SPART: variants seen among roughly 807,000 people sequenced by gnomAD.
The protein encoded by SPART is spartin.
Under a neutral mutation model 58.7 loss-of-function variants are expected in SPART, and 35 were observed. The observed-to-expected ratio is 0.60, with a 90% CI of 0.46 to 0.79. The LOEUF (loss-of-function observed/expected upper bound fraction) is 0.79, where lower values mean the gene tolerates loss of function less well. SPART is among the 30% of genes least tolerant of loss of function. The probability of loss-of-function intolerance (pLI) is 0.00; values close to 1 mark genes in which losing one functional copy is unlikely to be tolerated. For missense variants in SPART, 730 were observed against 786.1 expected (o/e 0.93, Z 0.85); for synonymous variants, 284 against 280.7 (o/e 1.01, Z -0.12).
upstream of SPART, among the ~76,000 whole-genome samples, chr13:36,350,791 G>A (rs1411650602): frequency 6.6e-6 from 1 of 152,210 alleles, no homozygotes; most frequent in Non-Finnish European, 1.5e-5. Flanking sequence ...ATGCACCAGA[G>A]TAAGATTTAG....
chr13:36,360,277 G>GCAAGACTCCATCTC (rs1378643147), intron 1 of SPART, among the ~76,000 whole-genome samples: 1 of 5,252 alleles, frequency 1.9e-4, no homozygotes, highest in Non-Finnish European at 2.9e-4. Flanking sequence ...CCTGGGTGGA[G>GCAAGACTCCATCTC]AAAATTTTTG....
At chr13:36,354,519 T>C (rs1885545603) in intron 1 of SPART, among the ~76,000 whole-genome samples, 1 of 152,186 alleles carries the variant, frequency 6.6e-6, no homozygotes, top group Non-Finnish European at 1.5e-5. Flanking sequence ...AAGGCTCAGG[T>C]GAGCATCCCT....
rs149581836 is a variant in SPART, at chr13:36,306,325, G to A, written c.1734-1693C>T. 2.0e-5 allele frequency among the ~76,000 whole-genome samples: 3 copies of A among 152,122 alleles called. No homozygotes were observed. In the East Asian group the frequency reaches 5.8e-4, roughly 29 times the overall value. The stretch of plus-strand genomic sequence containing the variant: ...CCAAGCCCCAGTAACAAATACTACT[G>A]TCAGGTGGTAATGGCTGTGTCTATA... On this transcript the variant is annotated intron_variant, in intron 8 of 8. Coordinates refer to ENST00000438666, the MANE Select transcript of SPART (RefSeq NM_015087.5).
At chr13:36,327,786 G>A (rs9547284) in intron 4 of SPART, among the ~76,000 whole-genome samples, 36,525 of 152,084 alleles carry the variant, frequency 0.24, 4,852 homozygotes, top group East Asian at 0.51. Context: ...TCAGGAGTTC[G>A]AGATTAGCCT....
chr13:36,313,770 G>A (rs957205451), intron 6 of SPART, among the ~76,000 whole-genome samples: 1 of 152,154 alleles, frequency 6.6e-6, no homozygotes, highest in Non-Finnish European at 1.5e-5. Flanking sequence ...GTTTAGGTTT[G>A]TGTGAGTACA....
chr13:36,330,852 A>G (rs2137509323), intron 3 of SPART, among the ~76,000 whole-genome samples: 1 of 152,298 alleles, frequency 6.6e-6, no homozygotes. Flanking sequence ...AAAGATAATT[A>G]TCTCAACCAA....
At chr13:36,323,926 G>A (rs1238383808) in intron 5 of SPART, among the ~76,000 whole-genome samples, 1 of 152,134 alleles carries the variant, frequency 6.6e-6, no homozygotes. Context: ...CACAGTTTTT[G>A]CTTGTTTTAA....
chr13:36,304,457 C>T lies in SPART; in HGVS notation c.1909G>A (p.Glu637Lys), dbSNP rs1050317633. ...DYQIVDNSQRENQEGAANVNV... is the reference protein window; with the variant it reads ...DYQIVDNSQRKNQEGAANVNV... ...ACATTTGCTGCTCCTTCTTGATTTT[C>T]CCTCTGAGAATTATCAACTATCTGA... Residue 637 changes from glutamate to lysine, a missense_variant, in exon 9 of 9, where the codon GAA becomes AAA. Transcript: ENST00000438666. 1.8e-5 allele frequency: 29 copies of T among 1,613,992 alleles called. No individual in the cohort carries two copies. Among genetic ancestry groups the T allele is most frequent in the Non-Finnish European group, 2.4e-5 (28 of 1,180,006 alleles).
At chr13:36,344,039 A>AC (rs1884819922) in intron 1 of SPART, among the ~76,000 whole-genome samples, 1 of 151,542 alleles carries the variant, frequency 6.6e-6, no homozygotes, top group South Asian at 2.1e-4. Context: ...TCTCTTTAAA[A>AC]AAAAAAAAAA....
At chr13:36,363,009 A>G (rs1014115040) in intron 1 of SPART, among the ~76,000 whole-genome samples, 1 of 152,076 alleles carries the variant, frequency 6.6e-6, no homozygotes, top group Non-Finnish European at 1.5e-5. Context: ...CATCCTCTGA[A>G]TATTTTTTTT....
intron 1 of SPART, among the ~76,000 whole-genome samples, chr13:36,364,217 G>A (rs1000655975): frequency 6.6e-5 from 10 of 152,106 alleles, no homozygotes; most frequent in Non-Finnish European, 1.0e-4. Context: ...AATGTATAAC[G>A]TTAACCTCTC....
chr13:36,363,018 T>A (rs918442740), intron 1 of SPART, among the ~76,000 whole-genome samples: 32 of 151,916 alleles, frequency 2.1e-4, no homozygotes, highest in South Asian at 1.2e-3. Context: ...AATATTTTTT[T>A]TAAAAAAAAG....
intron 1 of SPART, among the ~76,000 whole-genome samples, chr13:36,343,720 C>A (rs552742861): frequency 1.3e-5 from 2 of 152,262 alleles, no homozygotes; most frequent in South Asian, 4.1e-4. Flanking sequence ...TTGTTAAGCT[C>A]TCTATATGTG....
chr13:36,327,497 G>A (rs948904266), intron 4 of SPART, among the ~76,000 whole-genome samples: 4 of 151,906 alleles, frequency 2.6e-5, no homozygotes, highest in African/African-American at 9.7e-5. Flanking sequence ...GATTTTTTTA[G>A]AACAAGAAAT....
At chr13:36,342,234 G>T (rs1884648743) in intron 1 of SPART, among the ~76,000 whole-genome samples, 1 of 152,096 alleles carries the variant, frequency 6.6e-6, no homozygotes, top group Non-Finnish European at 1.5e-5. Context: ...AACAATTCTT[G>T]ATGCAATATT....
At chr13:36,309,364 A>T (rs1880853989) in intron 8 of SPART, among the ~76,000 whole-genome samples, 1 of 152,204 alleles carries the variant, frequency 6.6e-6, no homozygotes, top group Admixed American at 6.5e-5. Context: ...ATCTCAAAAA[A>T]CTTAAAATGG....
chr13:36,340,131 G>C (rs1321282721), intron 1 of SPART, among the ~76,000 whole-genome samples: 1 of 151,850 alleles, frequency 6.6e-6, no homozygotes, highest in East Asian at 1.9e-4. Context: ...GGGAGGCTGA[G>C]GTGGGCAGAT....
At chr13:36,305,380 A>G (rs545799405) in intron 8 of SPART, among the ~76,000 whole-genome samples, 1 of 152,176 alleles carries the variant, frequency 6.6e-6, no homozygotes, top group East Asian at 1.9e-4. Context: ...CACTTTCTAC[A>G]TACTATAGAA....
At chr13:36,318,564 T>A (rs1186046388) in intron 5 of SPART, among the ~76,000 whole-genome samples, 7 of 152,198 alleles carry the variant, frequency 4.6e-5, no homozygotes, top group Non-Finnish European at 7.3e-5. Flanking sequence ...TAACCTCGCC[T>A]TCAAGGTGTA....
Sources: gnomAD v4.1 joint callset for allele counts (sites outside exome capture counted in the v4.1 genomes callset) on GRCh38, gnomAD v4.1.1 for gene constraint, MANE v1.5 for transcripts, NCBI Gene and HGNC (gene_info 2026-07-23, HGNC 2026-07-21) for gene names.